Variants in ALK observed in about 807,000 individuals in gnomAD.
ALK encodes the protein ALK receptor tyrosine kinase.
ALK carries 74 observed loss-of-function variants against 163.1 expected under a neutral mutation model. The ratio of observed to expected loss-of-function variants is 0.45; its 90% CI spans 0.38 to 0.55. The LOEUF (loss-of-function observed/expected upper bound fraction) is 0.55, where lower values mean the gene tolerates loss of function less well. ALK is among the 20% of genes least tolerant of loss of function. The pLI, the probability that ALK is intolerant of heterozygous loss-of-function variation, is 0.00. For synonymous variants in ALK, 960 were observed against 843.2 expected, an observed-to-expected ratio of 1.14 and a Z score of -2.40; for missense variants, 2,063 against 2,105.3, an observed-to-expected ratio of 0.98 and a Z score of 0.39.
At chr2:29,414,088 T>G (rs985284416) in intron 4 of ALK, among the ~76,000 whole-genome samples, 2 of 152,322 alleles carry the variant, frequency 1.3e-5, no homozygotes, top group East Asian at 3.9e-4. Flanking sequence ...AGCAATGCAT[T>G]GTGTTATGAG....
intron 3 of ALK, among the ~76,000 whole-genome samples, chr2:29,683,280 G>A (rs1283579398): frequency 6.6e-6 from 1 of 152,094 alleles, no homozygotes; most frequent in Admixed American, 6.5e-5. Flanking sequence ...GGGAAGCTGA[G>A]GCAGGAGAAT....
Position 29,920,026 on chromosome 2 carries a change from G to T in ALK, c.634C>A (p.Gln212Lys). Residue 212 changes from glutamine to lysine, a missense_variant, in exon 1 of 29, where the codon CAG (glutamine) becomes AAG (lysine). Gln to Lys is a moderately conservative substitution (Grantham distance 53). This residue lies in a region of ALK where 987 missense variants were observed against 939.5 expected (regional missense o/e 1.05). Transcript: ENST00000389048. ...GRLSAAIRASQPRLLFQIFGT... is the reference protein window; with the variant it reads ...GRLSAAIRASKPRLLFQIFGT... ...AAGATCTGGAAGAGAAGGCGGGGCT[G>T]GGAGGCGCGAATTGCCGCGGACAGC... is the stretch of plus-strand genomic sequence containing the variant. 6.2e-7 allele frequency: 1 copy of T among 1,614,150 alleles called. No homozygotes were observed. The highest frequency in any genetic ancestry group is 8.5e-7 in the Non-Finnish European group (1 of 1,180,030).
chr2:29,903,042 T>C (rs1666986285), intron 1 of ALK, among the ~76,000 whole-genome samples: 1 of 152,202 alleles, frequency 6.6e-6, no homozygotes, highest in Admixed American at 6.5e-5. Context: ...TAACTGATGA[T>C]GGTGTCAAGT....
chr2:29,374,661 C>T (rs549349719), intron 5 of ALK, among the ~76,000 whole-genome samples: 14 of 152,008 alleles, frequency 9.2e-5, no homozygotes, highest in Admixed American at 5.2e-4. Context: ...GTGGAGGGTG[C>T]GCTGCAGGGG....
At position 29,619,190 on chromosome 2, in the gene ALK, T is replaced by G. The variant is rs2148227660; in HGVS notation, c.952+75660A>C. ...CTGATCACAAGGGTGATCTGTGACA[T>G]TGGAAACAATGGGTGGAAGTTGGGA... On this transcript the variant is annotated intron_variant, in intron 3 of 28. Coordinates refer to ENST00000389048, the MANE Select transcript of ALK (RefSeq NM_004304.5). 1.3e-5 allele frequency among the ~76,000 whole-genome samples: 2 copies of G among 152,294 alleles called. 1 individual carries two copies. Among genetic ancestry groups the G allele is most frequent in the South Asian group, 4.1e-4 (2 of 4,832 alleles).
chr2:29,486,681 A>T (rs756051968), intron 4 of ALK, among the ~76,000 whole-genome samples: 1 of 152,226 alleles, frequency 6.6e-6, no homozygotes. Flanking sequence ...TAAAAACAAG[A>T]AGCAAATACC....
At chr2:29,735,551 A>AC (rs1224729674) in intron 1 of ALK, among the ~76,000 whole-genome samples, 1 of 151,958 alleles carries the variant, frequency 6.6e-6, no homozygotes, top group Non-Finnish European at 1.5e-5. Context: ...GAATTATCTC[A>AC]CCTATTCTTT....
chr2:29,666,303 G>T (rs539426723), intron 3 of ALK, among the ~76,000 whole-genome samples: 13 of 151,876 alleles, frequency 8.6e-5, no homozygotes, highest in Non-Finnish European at 1.6e-4. Context: ...CTAGATGGTC[G>T]TTTCTAGGGT....
chr2:29,844,004 C>A (rs12621966), intron 1 of ALK, among the ~76,000 whole-genome samples: 3,171 of 151,906 alleles, frequency 0.021, 113 homozygotes, highest in African/African-American at 0.073. Context: ...TTGAAAGAAA[C>A]GTCTACAGTG....
chr2:29,561,755 T>C (rs1293100431), intron 3 of ALK, among the ~76,000 whole-genome samples: 1 of 152,184 alleles, frequency 6.6e-6, no homozygotes, highest in Non-Finnish European at 1.5e-5. Flanking sequence ...AGCGAGGTTG[T>C]TATCACATTC....
chr2:29,742,867 G>A (rs1486555075), intron 1 of ALK, among the ~76,000 whole-genome samples: 2 of 152,164 alleles, frequency 1.3e-5, no homozygotes, highest in East Asian at 3.8e-4. Flanking sequence ...AATAACAGCT[G>A]CAACGGCCAG....
intron 4 of ALK, among the ~76,000 whole-genome samples, chr2:29,466,897 T>C (rs1417418604): frequency 6.6e-6 from 1 of 152,258 alleles, no homozygotes; most frequent in Admixed American, 6.5e-5. Flanking sequence ...TTACACTTGA[T>C]TGGATAAGCC....
intron 4 of ALK, among the ~76,000 whole-genome samples, chr2:29,474,849 T>C (rs566883154): frequency 3.9e-5 from 6 of 152,238 alleles, no homozygotes; most frequent in South Asian, 4.2e-4. Context: ...TCAGATCAAG[T>C]TGAAAAGCCA....
At chr2:29,326,074 A>T (rs1667250377) in intron 6 of ALK, among the ~76,000 whole-genome samples, 1 of 152,194 alleles carries the variant, frequency 6.6e-6, no homozygotes, top group South Asian at 2.1e-4. Flanking sequence ...GTAGCCAAGA[A>T]CACAGTGGGG....
intron 2 of ALK, among the ~76,000 whole-genome samples, chr2:29,709,890 G>A (rs921424127): frequency 1.3e-4 from 20 of 152,114 alleles, no homozygotes; most frequent in African/African-American, 4.6e-4. Flanking sequence ...AATGTTGGGG[G>A]TATCACACAT....
intron 1 of ALK, among the ~76,000 whole-genome samples, chr2:29,857,762 T>C (rs11127241): frequency 0.72 from 109,380 of 152,056 alleles, 39,870 homozygotes; most frequent in Non-Finnish European, 0.78. Flanking sequence ...TCCCAAGAGA[T>C]AGAACTGGCT....
chr2:29,704,478 G>C (rs1425569663), intron 2 of ALK, among the ~76,000 whole-genome samples: 1 of 152,142 alleles, frequency 6.6e-6, no homozygotes, highest in Non-Finnish European at 1.5e-5. Context: ...TCCTGTGATT[G>C]TTATTATTAT....
At chr2:29,583,159 G>A (rs1313014482) in intron 3 of ALK, among the ~76,000 whole-genome samples, 1 of 150,952 alleles carries the variant, frequency 6.6e-6, no homozygotes, top group African/African-American at 2.4e-5. Context: ...GACTACAGGT[G>A]TGAGTCACCA....
Position 29,475,533 on chromosome 2 carries a change from G to T in ALK, c.1154+56382C>A, listed in dbSNP as rs562473073. On this transcript the variant is annotated intron_variant, in intron 4 of 28. Coordinates refer to ENST00000389048, the MANE Select transcript of ALK (RefSeq NM_004304.5). ...AACATTCCTGAACAGTCTCGGGCCCGCCGGACGAGGCTGCATCTCCAGGCC... is the reference window on the plus strand; with the variant it reads ...AACATTCCTGAACAGTCTCGGGCCCTCCGGACGAGGCTGCATCTCCAGGCC... 2.6e-4 allele frequency among the ~76,000 whole-genome samples: 39 copies of T among 152,252 alleles called. No homozygotes were observed. In the Middle Eastern group the frequency reaches 0.01, roughly 40 times the overall value.
Sources: allele counts gnomAD v4.1 joint callset (sites outside exome capture counted in the v4.1 genomes callset), GRCh38; gene constraint gnomAD v4.1.1; regional missense constraint gnomAD v4.1.1; transcripts MANE v1.5; gene names NCBI Gene and HGNC (gene_info 2026-07-23, HGNC 2026-07-21).